Variants in PARD3B observed in about 807,000 individuals in gnomAD.
PARD3B encodes the protein par-3 family cell polarity regulator beta.
A neutral mutation model predicts 130.2 loss-of-function variants in PARD3B; 103 were observed. The ratio of observed to expected loss-of-function variants is 0.79; its 90% CI spans 0.67 to 0.93. The LOEUF (loss-of-function observed/expected upper bound fraction) is 0.93. PARD3B is among the 40% of genes least tolerant of loss of function. The pLI is 0.00. For missense variants in PARD3B, 1,609 were observed against 1,499.2 expected, an observed-to-expected ratio of 1.07 and a Z score of -1.21; for synonymous variants, 583 against 553.2, an observed-to-expected ratio of 1.05 and a Z score of -0.76.
At chr2:205,429,988 C>T (rs543967106) in intron 19 of PARD3B, among the ~76,000 whole-genome samples, 6 of 152,162 alleles carry the variant, frequency 3.9e-5, no homozygotes, top group Admixed American at 2.0e-4. Context: ...TCTTCTCTTC[C>T]GTTTATGTCT....
Position 205,078,942 on chromosome 2 carries a change from G to A in PARD3B, c.505-25484G>A, listed in dbSNP as rs150916217. Among the ~76,000 whole-genome samples the A allele has an allele frequency of 0.018, 2,668 of 152,322 alleles. 272 individuals are homozygous for A. The highest frequency in any genetic ancestry group is 0.16 in the Admixed American group (2,405 of 15,300). On this transcript the variant is annotated intron_variant, in intron 4 of 22. Coordinates refer to ENST00000406610, the MANE Select transcript of PARD3B (RefSeq NM_001302769.2). This position sits in a 1 kb window ranked among gnomAD's most constrained non-coding sequence, Gnocchi z 4.0. Reference sequence around the variant, plus strand: ...CAATGGCCAGCCACGTAAGTGAGCCGTCATGGATGCCCAGACCTGTGGAGC... The same window carrying A: ...CAATGGCCAGCCACGTAAGTGAGCCATCATGGATGCCCAGACCTGTGGAGC...
chr2:205,034,263 A>C (rs1339196010), intron 3 of PARD3B, among the ~76,000 whole-genome samples: 8 of 152,124 alleles, frequency 5.3e-5, no homozygotes. Flanking sequence ...ATCCTAAGTG[A>C]TTGACTAAAG....
chr2:205,102,479 T>C (rs560469911), intron 4 of PARD3B, among the ~76,000 whole-genome samples: 1 of 152,118 alleles, frequency 6.6e-6, no homozygotes, highest in South Asian at 2.1e-4. Flanking sequence ...TCTGTAAGCA[T>C]ATATCAAGCC....
chr2:204,688,754 G>T (rs2037211611), intron 2 of PARD3B, among the ~76,000 whole-genome samples: 1 of 152,074 alleles, frequency 6.6e-6, no homozygotes, highest in Non-Finnish European at 1.5e-5. Context: ...GTGATGCTTT[G>T]TGGATGCTTA....
rs2038705852 is a variant in PARD3B at position 205,229,067 on chromosome 2, T to A, written c.2141-16711T>A. ...AAACAGCTATTTTGAATTCTGTATC[T>A]GAAAGGTCACTTATGTCTGTCTCTC... On this transcript the variant is annotated intron_variant, in intron 15 of 22. Coordinates refer to ENST00000406610, the MANE Select transcript of PARD3B (RefSeq NM_001302769.2). The surrounding 1 kb of genome is among the most constrained non-coding windows in gnomAD (Gnocchi z 5.2). Among the ~76,000 whole-genome samples the A allele has an allele frequency of 6.6e-6, 1 of 152,270 alleles. No individual in the cohort carries two copies. Among genetic ancestry groups the A allele is most frequent in the Non-Finnish European group, 1.5e-5 (1 of 68,050 alleles).
chr2:204,897,737 A>T (rs1575243630), intron 2 of PARD3B, among the ~76,000 whole-genome samples: 1 of 152,138 alleles, frequency 6.6e-6, no homozygotes, highest in East Asian at 1.9e-4. Context: ...TAATACTGAG[A>T]TTAGTTCAAA....
intron 1 of PARD3B, among the ~76,000 whole-genome samples, chr2:204,638,356 T>G (rs1047164570): frequency 6.6e-6 from 1 of 152,226 alleles, no homozygotes; most frequent in African/African-American, 2.4e-5. Context: ...TTCTACTTTA[T>G]GTAACAGTTA....
rs545089455 is a variant in PARD3B, at chr2:204,678,670, TCTC to T, written c.121-7507_121-7505del. 1.4e-4 allele frequency among the ~76,000 whole-genome samples: 22 copies of T among 151,922 alleles called. No homozygotes were observed. The highest frequency in any genetic ancestry group is 1.8e-4 in the Non-Finnish European group (12 of 67,984). ...TTCTAGTCTCTGATGCGCAGTTGCT[TCTC>T]CTCTCGATGTTCAGCCGCTTGTCTC... On this transcript the variant is annotated intron_variant, in intron 1 of 22. Coordinates refer to ENST00000406610, the MANE Select transcript of PARD3B (RefSeq NM_001302769.2). The surrounding 1 kb of genome is among the most constrained non-coding windows in gnomAD (Gnocchi z 4.2).
At chr2:204,995,552 A>G (rs1222765019) in intron 3 of PARD3B, among the ~76,000 whole-genome samples, 2 of 130,334 alleles carry the variant, frequency 1.5e-5, no homozygotes, top group African/African-American at 5.9e-5. Context: ...TCTGACAATT[A>G]TGTGTCTTGG....
chr2:204,790,880 A>G (rs968214168), intron 2 of PARD3B, among the ~76,000 whole-genome samples: 1 of 152,014 alleles, frequency 6.6e-6, no homozygotes, highest in Non-Finnish European at 1.5e-5. Flanking sequence ...TGAGGCAGGC[A>G]GATCACCTGA....
At chr2:205,489,559 C>CATATATATACATATATACAT (rs1297994614) in intron 20 of PARD3B, among the ~76,000 whole-genome samples, 1 of 89,486 alleles carries the variant, frequency 1.1e-5, no homozygotes, top group East Asian at 3.7e-4. Flanking sequence ...TATATATATA[C>CATATATATACATATATACAT]ATATATATAC....
chr2:204,589,031 C>A (rs763570318), intron 1 of PARD3B, among the ~76,000 whole-genome samples: 23 of 151,890 alleles, frequency 1.5e-4, no homozygotes, highest in Non-Finnish European at 3.4e-4. Context: ...ATGTTAAGAC[C>A]CGATAAATAT....
chr2:205,497,490 T>C (rs1298317643), intron 20 of PARD3B, among the ~76,000 whole-genome samples: 1 of 148,586 alleles, frequency 6.7e-6, no homozygotes, highest in Non-Finnish European at 1.5e-5. Context: ...TAAAAATAGA[T>C]GACCTCTTTC....
intron 15 of PARD3B, among the ~76,000 whole-genome samples, chr2:205,225,110 T>G (rs773733859): frequency 3.2e-4 from 49 of 152,304 alleles, no homozygotes; most frequent in Middle Eastern, 3.4e-3. Flanking sequence ...TCCTTGCTTT[T>G]GGGTATATAC....
At chr2:204,891,307 C>T (rs920349887) in intron 2 of PARD3B, among the ~76,000 whole-genome samples, 5 of 151,518 alleles carry the variant, frequency 3.3e-5, no homozygotes, top group South Asian at 4.2e-4. Flanking sequence ...CAGTAGTAAT[C>T]GATCTGATTA....
chr2:204,936,107 C>T (rs980296036), intron 2 of PARD3B, among the ~76,000 whole-genome samples: 1 of 152,184 alleles, frequency 6.6e-6, no homozygotes, highest in Non-Finnish European at 1.5e-5. Context: ...TGTAGGAGAG[C>T]ACTTTTGGGC....
At position 204,750,210 on chromosome 2, in the gene PARD3B, T is replaced by G. The variant is rs539951265; in HGVS notation, c.222+63928T>G. Among the ~76,000 whole-genome samples the G allele has an allele frequency of 2.0e-5, 3 of 152,304 alleles. No individual in the cohort carries two copies. In the East Asian group the frequency reaches 5.8e-4, roughly 29 times the overall value. The stretch of plus-strand genomic sequence containing the variant: ...TTATCATTTGGAAATCTAAGCACTA[T>G]CACTTTAGAGCTTTGAGTTAAAAGG... On this transcript the variant is annotated intron_variant, in intron 2 of 22. Coordinates refer to ENST00000406610, the MANE Select transcript of PARD3B (RefSeq NM_001302769.2).
intron 2 of PARD3B, among the ~76,000 whole-genome samples, chr2:204,711,024 T>C (rs1056988463): frequency 1.3e-5 from 2 of 152,196 alleles, no homozygotes; most frequent in African/African-American, 4.8e-5. Context: ...ATTAAGCAAA[T>C]CATTTCTCTA....
intron 2 of PARD3B, among the ~76,000 whole-genome samples, chr2:204,854,339 G>C (rs2044832380): frequency 6.6e-6 from 1 of 152,134 alleles, no homozygotes; most frequent in Non-Finnish European, 1.5e-5. Context: ...AGGTAGAAGT[G>C]ATGAGGGCAT....
Sources: allele counts gnomAD v4.1 joint callset (sites outside exome capture counted in the v4.1 genomes callset), GRCh38; gene constraint gnomAD v4.1.1; non-coding constraint Gnocchi (gnomAD v3.1); transcripts MANE v1.5; gene names NCBI Gene and HGNC (gene_info 2026-07-23, HGNC 2026-07-21).